The following ING3 variants were observed in gnomAD, a reference collection of about 807,000 sequenced individuals.
The protein encoded by ING3 is inhibitor of growth protein 3.
ING3 carries 6 observed loss-of-function variants against 64.8 expected under a neutral mutation model. The observed-to-expected ratio is 0.09, with a 90% CI of 0.05 to 0.18. The LOEUF is 0.18. ING3 is among the 10% of genes least tolerant of loss of function. The pLI is 1.00. For missense variants in ING3, 310 were observed against 489.7 expected, an observed-to-expected ratio of 0.63 and a Z score of 3.46; for synonymous variants, 170 against 173.7, an observed-to-expected ratio of 0.98 and a Z score of 0.17.
At chr7:120,973,957 G>A (rs1385643020) in intron 11 of ING3, among the ~76,000 whole-genome samples, 1 of 152,142 alleles carries the variant, frequency 6.6e-6, no homozygotes, top group African/African-American at 2.4e-5. Flanking sequence ...ACTTTTCCTA[G>A]ACCTGATAGG....
intron 4 of ING3, among the ~76,000 whole-genome samples, chr7:120,957,921 T>C (rs1049285992): frequency 1.3e-5 from 2 of 152,198 alleles, no homozygotes; most frequent in East Asian, 1.9e-4. Flanking sequence ...AAAAGCAATA[T>C]TAATTTATAC....
At position 120,975,054 on chromosome 7, in the gene ING3, A is replaced by G. The variant is rs1796117387; in HGVS notation, c.*210A>G. ...ATTATTTATGCACTCCTGGTGTGCT[A>G]TGAATATTATTCCAGTTAGCCTTGG... On this transcript the variant is annotated 3_prime_UTR_variant, in exon 12 of 12. Transcript: ENST00000315870. 3 of 292,632 alleles carry G rather than the reference A, an allele frequency of 1.0e-5. No homozygotes were observed. The highest frequency in any genetic ancestry group is 9.7e-5 in the Admixed American group (2 of 20,578). 18.1% of individuals were successfully genotyped at this position (292,632 alleles called of 1,614,324 possible).
intron 4 of ING3, chr7:120,956,152 T>A (rs1795843387): frequency 1.9e-6 from 3 of 1,595,794 alleles, no homozygotes; most frequent in Non-Finnish European, 2.6e-6. Context: ...AAGATTCTTT[T>A]TTTGCAGCAG....
chr7:120,951,099 C>T (rs1045688417), intron 1 of ING3, 65 bp from the exon 2 acceptor site: 8 of 1,573,368 alleles, frequency 5.1e-6, no homozygotes, highest in African/African-American at 1.4e-5. Flanking sequence ...GACGCACGCG[C>T]GCAGTGACGT....
intron 4 of ING3, among the ~76,000 whole-genome samples, chr7:120,958,826 C>G (rs1373868219): frequency 1.3e-5 from 2 of 152,228 alleles, no homozygotes; most frequent in African/African-American, 4.8e-5. Flanking sequence ...GACCGTGACT[C>G]TGCTTTAGCT....
At position 120,959,630 on chromosome 7, in the gene ING3, A is replaced by ATTTTTT. The variant is rs397889009; in HGVS notation, c.267+4034_267+4039dup. Among the ~76,000 whole-genome samples the ATTTTTT allele has an allele frequency of 1.9e-3, 106 of 55,704 alleles. 5 individuals carry two copies. The highest frequency in any genetic ancestry group is 2.6e-3 in the Non-Finnish European group (80 of 30,454). 36.5% of individuals were successfully genotyped at this position (55,704 alleles called of 152,430 possible). On this transcript the variant is annotated intron_variant, in intron 4 of 11. Transcript: ENST00000315870. ...CCTATACTCCTTGTCACTTCCTCAC[A>ATTTTTT]TTTTTTTTTTTTTTTTTTTTTTTTT...
chr7:120,952,038 G>A (rs1380239602), intron 2 of ING3, among the ~76,000 whole-genome samples: 2 of 152,174 alleles, frequency 1.3e-5, no homozygotes, highest in East Asian at 3.8e-4. Flanking sequence ...CTTTGCTTAT[G>A]AGTATATTTT....
chr7:120,963,675 A>T (rs933719201), intron 4 of ING3, among the ~76,000 whole-genome samples: 3 of 152,186 alleles, frequency 2.0e-5, no homozygotes, highest in African/African-American at 7.2e-5. Flanking sequence ...AAGATAGGTC[A>T]TCTGATGCGT....
At position 120,976,487 on chromosome 7, in the gene ING3, A is replaced by G. The variant is rs1796136652; in HGVS notation, c.*1643A>G. 1 of 152,202 alleles carries G rather than the reference A, an allele frequency of 6.6e-6. No homozygotes were observed. Among genetic ancestry groups the G allele is most frequent in the Non-Finnish European group, 1.5e-5 (1 of 68,030 alleles). The allele number at this position is 152,202 out of a possible 1,614,324, so 9.4% of individuals were successfully genotyped here. On this transcript the variant is annotated 3_prime_UTR_variant, in exon 12 of 12. Transcript: ENST00000315870. Reference sequence around the variant, plus strand: ...TTCATTTGTGAGTACTCATCATTTCATAATATCATGATTATCACGATTTCA... The same window carrying G: ...TTCATTTGTGAGTACTCATCATTTCGTAATATCATGATTATCACGATTTCA...
chr7:120,963,793 T>G (rs1309230689), intron 4 of ING3, among the ~76,000 whole-genome samples: 1 of 152,168 alleles, frequency 6.6e-6, no homozygotes, highest in Admixed American at 6.5e-5. Context: ...ATTCTAAACC[T>G]TACTTAAAAT....
chr7:120,956,304 C>A (rs764480296), intron 4 of ING3: 13 of 1,436,902 alleles, frequency 9.0e-6, no homozygotes, highest in African/African-American at 7.2e-5. Context: ...TCTGTTTTTG[C>A]ATTAAAGTAA....
At chr7:120,959,357 A>G (rs1030552649) in intron 4 of ING3, among the ~76,000 whole-genome samples, 1 of 152,144 alleles carries the variant, frequency 6.6e-6, no homozygotes, top group Admixed American at 6.5e-5. Flanking sequence ...TTGCAATTCC[A>G]TGTGTTCTCT....
At chr7:120,963,550 T>C (rs1026459659) in intron 4 of ING3, among the ~76,000 whole-genome samples, 2 of 152,178 alleles carry the variant, frequency 1.3e-5, no homozygotes, top group African/African-American at 2.4e-5. Context: ...GTTTCTGTAA[T>C]GCATTAGCTA....
chr7:120,967,979 A>C lies in ING3; in HGVS notation c.602A>C (p.Asn201Thr), dbSNP rs759383329. The C allele has an allele frequency of 1.9e-6, 3 of 1,614,090 alleles. No homozygotes were observed. Among genetic ancestry groups the C allele is most frequent in the Non-Finnish European group, 2.5e-6 (3 of 1,179,984 alleles). Reference protein sequence around the residue: ...NSTASSNNAYNVNSSQPLGSY... With the variant: ...NSTASSNNAYTVNSSQPLGSY... ...ACAGCCTCTTCTAACAATGCCTACAATGTGAATTCCTCCCAACCTCTGGGA... is the reference window on the plus strand; with the variant it reads ...ACAGCCTCTTCTAACAATGCCTACACTGTGAATTCCTCCCAACCTCTGGGA... Residue 201 changes from asparagine (N) to threonine (T), a missense_variant, in exon 8 of 12, where the codon AAT becomes ACT. This residue lies in a region of ING3 where 233 missense variants were observed against 289.4 expected (regional missense o/e 0.81). Transcript: ENST00000315870.
chr7:120,959,546 A>G (rs1249934319), intron 4 of ING3, among the ~76,000 whole-genome samples: 1 of 151,076 alleles, frequency 6.6e-6, no homozygotes, highest in Non-Finnish European at 1.5e-5. Context: ...TTTTGTTTCT[A>G]AATCTCACAT....
At chr7:120,963,502 T>A (rs1795960478) in intron 4 of ING3, among the ~76,000 whole-genome samples, 1 of 152,082 alleles carries the variant, frequency 6.6e-6, no homozygotes, top group Admixed American at 6.6e-5. Flanking sequence ...GTCAGGTAAA[T>A]GGCAAAGCAG....
At chr7:120,956,591 C>T (rs1305019741) in intron 4 of ING3, 2 of 989,078 alleles carry the variant, frequency 2.0e-6, no homozygotes, top group Non-Finnish European at 2.4e-6. Context: ...AACCTGGGCT[C>T]TTTTGTTCAT....
chr7:120,964,886 A>T, intron 5 of ING3, 48 bp downstream of exon 5: 1 of 1,450,786 alleles, frequency 6.9e-7, no homozygotes, highest in Non-Finnish European at 9.6e-7. Flanking sequence ...GTACATGTGC[A>T]AATCGCTGAG....
At chr7:120,952,133 A>G (rs1449923118) in intron 2 of ING3, among the ~76,000 whole-genome samples, 1 of 152,206 alleles carries the variant, frequency 6.6e-6, no homozygotes. Context: ...TGAAGTATGA[A>G]TTGTGTGTGT....
Sources: allele counts gnomAD v4.1 joint callset (sites outside exome capture counted in the v4.1 genomes callset), GRCh38; gene constraint gnomAD v4.1.1; regional missense constraint gnomAD v4.1.1; transcripts MANE v1.5; gene names NCBI Gene and HGNC (gene_info 2026-07-23, HGNC 2026-07-21).